Variants in STOX2 observed in about 807,000 individuals in gnomAD.
The protein encoded by STOX2 is storkhead-box protein 2.
STOX2 carries 28 observed loss-of-function variants against 60.9 expected under a neutral mutation model. The ratio of observed to expected loss-of-function variants is 0.46; its 90% confidence interval spans 0.34 to 0.63. The LOEUF (loss-of-function observed/expected upper bound fraction) is 0.63, where lower values mean the gene tolerates loss of function less well. Among genes scored for constraint, STOX2 ranks in the 30% least tolerant of loss-of-function variants. The pLI, the probability that STOX2 is intolerant of heterozygous loss-of-function variation, is 0.01. For synonymous variants in STOX2, 472 were observed against 463.9 expected (o/e 1.02, Z -0.22); for missense variants, 1,024 against 1,187.7 (o/e 0.86, Z 2.03).
At chr4:183,970,174 GTGTGTGT>G in intron 1 of STOX2, among the ~76,000 whole-genome samples, 1 of 148,522 alleles carries the variant, frequency 6.7e-6, no homozygotes, top group African/African-American at 2.5e-5. Context: ...GTGTGTGTGT[GTGTGTGT>G]GGGGTTCCAG....
intron 1 of STOX2, among the ~76,000 whole-genome samples, chr4:183,866,540 C>CTGGGATATACTTAGCGTACATA: frequency 6.6e-6 from 1 of 152,092 alleles, no homozygotes; most frequent in Non-Finnish European, 1.5e-5. Context: ...GGGGGAGGGG[C>CTGGGATATACTTAGCGTACATA]TGGGATATAC....
intron 1 of STOX2, among the ~76,000 whole-genome samples, chr4:183,829,295 C>G (rs544304240): frequency 9.8e-5 from 15 of 152,314 alleles, no homozygotes; most frequent in African/African-American, 3.6e-4. Flanking sequence ...TCTCTACATT[C>G]AACATTCTTT....
At chr4:183,872,827 A>G (rs1414611310) in intron 1 of STOX2, among the ~76,000 whole-genome samples, 3 of 151,964 alleles carry the variant, frequency 2.0e-5, no homozygotes, top group Non-Finnish European at 4.4e-5. Flanking sequence ...TGCAATGTCC[A>G]TGTATCTGAC....
At chr4:183,815,955 T>C (rs1159525885) in intron 1 of STOX2, among the ~76,000 whole-genome samples, 1 of 152,236 alleles carries the variant, frequency 6.6e-6, no homozygotes, top group Non-Finnish European at 1.5e-5. Flanking sequence ...TAAAAAATCT[T>C]GCATACGTGG....
rs566136548 is a variant in STOX2 at position 183,948,166 on chromosome 4, C to T, written c.166+41210C>T. Among the ~76,000 whole-genome samples the T allele has an allele frequency of 4.2e-4, 50 of 119,772 alleles. 1 individual carries two copies. The Middle Eastern group carries it at 0.032, about 76-fold the overall frequency. 78.6% of individuals were successfully genotyped at this position (119,772 alleles called of 152,430 possible). A position where few individuals can be genotyped will look rare whatever the true frequency, so the allele number is the denominator to read the frequency against. On this transcript the variant is annotated intron_variant, in intron 1 of 3. Transcript: ENST00000308497. ...CTGGCAGGTGGAGGTTGCAGTGAGC[C>T]GAGATCATGACATTGCACTCCAGCC...
intron 1 of STOX2, among the ~76,000 whole-genome samples, chr4:183,927,755 C>T (rs1031847930): frequency 2.0e-5 from 3 of 152,074 alleles, no homozygotes; most frequent in Non-Finnish European, 4.4e-5. Flanking sequence ...CTAACAATTG[C>T]CTTCTTTTGC....
rs1388706523 is a variant in STOX2, at chr4:183,806,304, C to T, written c.364+8249C>T. Reference sequence around the variant, plus strand: ...ATGTCACCTCCCCACTCCCCAATAACGTACGTTTGGGAAGCACATGATGTC... The same window carrying T: ...ATGTCACCTCCCCACTCCCCAATAATGTACGTTTGGGAAGCACATGATGTC... On this transcript the variant is annotated intron_variant, in intron 1 of 2. Coordinates refer to the STOX2 transcript ENST00000513034. This position sits in a 1 kb window ranked among gnomAD's most constrained non-coding sequence, Gnocchi z 4.1. Among the ~76,000 whole-genome samples, 1 of 152,194 alleles carries T rather than the reference C, an allele frequency of 6.6e-6. No individual in the cohort carries two copies. The highest frequency in any genetic ancestry group is 1.9e-4 in the East Asian group (1 of 5,202).
At chr4:183,891,406 A>G (rs964824411) in intron 1 of STOX2, among the ~76,000 whole-genome samples, 3 of 116,620 alleles carry the variant, frequency 2.6e-5, no homozygotes, top group African/African-American at 9.5e-5. Flanking sequence ...ATATATATAT[A>G]TGATGGAATA....
At chr4:183,973,853 G>A (rs899671522) in intron 1 of STOX2, among the ~76,000 whole-genome samples, 5 of 152,160 alleles carry the variant, frequency 3.3e-5, no homozygotes, top group African/African-American at 1.2e-4. Flanking sequence ...AATTAGCTGG[G>A]CGTGGTGGCG....
intron 2 of STOX2, among the ~76,000 whole-genome samples, chr4:184,005,707 G>T (rs1350736048): frequency 6.6e-6 from 1 of 152,134 alleles, no homozygotes; most frequent in Non-Finnish European, 1.5e-5. Context: ...ACTTTCTCAG[G>T]TCAACCCTAC....
rs1477041430 is a variant in STOX2, at chr4:184,009,067, G to A, written c.320-91G>A. The A allele has an allele frequency of 2.1e-5, 21 of 1,000,646 alleles. No individual in the cohort carries two copies. Among genetic ancestry groups the A allele is most frequent in the South Asian group, 3.5e-5 (2 of 57,076 alleles). The allele number at this position is 1,000,646 out of a possible 1,614,324, so 62.0% of individuals were successfully genotyped here. On this transcript the variant is annotated intron_variant, in intron 2 of 3. Transcript: ENST00000308497. This position sits in a 1 kb window ranked among gnomAD's most constrained non-coding sequence, Gnocchi z 4.0. ...CATCCTAGCTCTGTGATGGTACTTC[G>A]CATCTTGGCGAATGAATAGGATCCT...
chr4:183,964,564 G>A (rs751146782), intron 1 of STOX2, among the ~76,000 whole-genome samples: 15 of 152,162 alleles, frequency 9.9e-5, no homozygotes, highest in Non-Finnish European at 2.1e-4. Context: ...GTATAAAACA[G>A]GTGTAAAAAA....
At chr4:183,943,244 CCCAGTG>C (rs1239767316) in intron 1 of STOX2, among the ~76,000 whole-genome samples, 1 of 151,974 alleles carries the variant, frequency 6.6e-6, no homozygotes, top group Non-Finnish European at 1.5e-5. Context: ...TAGCTAGTTG[CCCAGTG>C]AATAAACTTA....
chr4:183,845,833 G>T (rs1365414769), intron 1 of STOX2, among the ~76,000 whole-genome samples: 1 of 152,186 alleles, frequency 6.6e-6, no homozygotes, highest in Non-Finnish European at 1.5e-5. Context: ...CAGAAAAAAG[G>T]AGTTAATAGT....
chr4:183,978,620 C>A (rs538057385), intron 1 of STOX2, among the ~76,000 whole-genome samples: 1 of 152,276 alleles, frequency 6.6e-6, no homozygotes, highest in African/African-American at 2.4e-5. Context: ...TGTATCCTTA[C>A]CATATGATCC....
rs565451664 is a variant in STOX2 at position 183,955,692 on chromosome 4, G to A, written c.167-45633G>A. Among the ~76,000 whole-genome samples the A allele has an allele frequency of 2.0e-5, 3 of 152,218 alleles. No homozygotes were observed. The South Asian group carries it at 6.2e-4, about 32-fold the overall frequency. ...GGGCCACATCTCTAGTAGCTTCCTG[G>A]GAATATTAATTTTGGGAGTTTGGGA... On this transcript the variant is annotated intron_variant, in intron 1 of 3. Transcript: ENST00000308497.
rs1205105558 is a variant in STOX2, at chr4:183,825,822, AG to A, written c.364+27770del. On this transcript the variant is annotated intron_variant, in intron 1 of 2. Transcript: ENST00000513034. This position sits in a 1 kb window ranked among gnomAD's most constrained non-coding sequence, Gnocchi z 4.1. ...CTGCTCTGGGCTCCTGAGCACAGGC[AG>A]GGTGTGATCAAATCAGTGTTTGGGG... 6.6e-6 allele frequency among the ~76,000 whole-genome samples: 1 copy of A among 152,118 alleles called. No homozygotes were observed. The highest frequency in any genetic ancestry group is 1.5e-5 in the Non-Finnish European group (1 of 68,004).
At chr4:183,867,690 A>G (rs1740601877) in intron 1 of STOX2, among the ~76,000 whole-genome samples, 2 of 152,142 alleles carry the variant, frequency 1.3e-5, no homozygotes, top group Non-Finnish European at 2.9e-5. Context: ...CTCTTTTCCC[A>G]TATAGTTAAT....
Position 184,017,450 on chromosome 4 carries a change from T to C in STOX2, c.*166T>C, listed in dbSNP as rs1468173270. The C allele has an allele frequency of 5.0e-6, 3 of 603,176 alleles. No homozygotes were observed. In the African/African-American group the frequency reaches 5.6e-5, roughly 11 times the overall value. 37.4% of individuals were successfully genotyped at this position (603,176 alleles called of 1,614,324 possible). On this transcript the variant is annotated 3_prime_UTR_variant, in exon 4 of 4. Transcript: ENST00000308497. The stretch of plus-strand genomic sequence containing the variant: ...AGGGCAAAAAAACAAAAAATCTTTA[T>C]TTCAGAGTATTGCTTTTCACATTTA...
Sources: gnomAD v4.1 joint callset for allele counts (sites outside exome capture counted in the v4.1 genomes callset) on GRCh38, gnomAD v4.1.1 for gene constraint, Gnocchi (gnomAD v3.1) non-coding constraint, MANE v1.5 for transcripts, NCBI Gene and HGNC (gene_info 2026-07-23, HGNC 2026-07-21) for gene names.